Variants in SPAG16 observed in about 807,000 individuals in gnomAD.
SPAG16 encodes sperm associated antigen 16, also known as sperm-associated antigen 16 protein.
In SPAG16, 86 loss-of-function variants were observed where a neutral mutation model predicts 80.4. The observed-to-expected ratio is 1.07, with a 90% CI of 0.90 to 1.28. SPAG16 has a LOEUF of 1.28. Ranked by LOEUF, SPAG16 falls within the 50% of genes most tolerant of loss-of-function variation. SPAG16 has a pLI of 0.00. For missense variants in SPAG16, 870 were observed against 765.3 expected, an observed-to-expected ratio of 1.14 and a Z score of -1.61; for synonymous variants, 294 against 265.9, an observed-to-expected ratio of 1.11 and a Z score of -1.03.
chr2:214,191,441 G>A (rs1207389952), intron 15 of SPAG16, among the ~76,000 whole-genome samples: 3 of 151,870 alleles, frequency 2.0e-5, no homozygotes, highest in African/African-American at 7.3e-5. Context: ...GGCCGGGCAT[G>A]GTGGCTCACT....
chr2:213,510,031 A>G (rs2075160664), intron 10 of SPAG16, among the ~76,000 whole-genome samples: 1 of 152,006 alleles, frequency 6.6e-6, no homozygotes, highest in Admixed American at 6.6e-5. Flanking sequence ...AGAGAATACC[A>G]TAAACACCTC....
chr2:213,969,020 TAGA>T (rs2044872456), intron 12 of SPAG16, among the ~76,000 whole-genome samples: 2 of 152,132 alleles, frequency 1.3e-5, no homozygotes, highest in South Asian at 4.1e-4. Flanking sequence ...TAAGCAAGCA[TAGA>T]AGACTTGAGT....
chr2:213,562,535 G>A (rs925126798), intron 10 of SPAG16, among the ~76,000 whole-genome samples: 15 of 152,206 alleles, frequency 9.9e-5, no homozygotes, highest in Non-Finnish European at 1.8e-4. Context: ...CAGTTCTGGA[G>A]ACTGGAAAGT....
chr2:213,728,137 C>T (rs148034944), intron 10 of SPAG16, among the ~76,000 whole-genome samples: 2,057 of 152,308 alleles, frequency 0.014, 19 homozygotes, highest in Middle Eastern at 0.02. Context: ...ACGTGAACCA[C>T]TGCACCCGGC....
At chr2:213,344,503 A>G (rs1332234106) in intron 6 of SPAG16, among the ~76,000 whole-genome samples, 2 of 152,066 alleles carry the variant, frequency 1.3e-5, no homozygotes, top group Non-Finnish European at 2.9e-5. Flanking sequence ...AACATTAGGT[A>G]TATCTCCTAA....
At chr2:214,086,825 GAA>G (rs1483236324) in intron 13 of SPAG16, among the ~76,000 whole-genome samples, 1 of 152,138 alleles carries the variant, frequency 6.6e-6, no homozygotes, top group Non-Finnish European at 1.5e-5. Flanking sequence ...TTCATGCTCA[GAA>G]AGTGTCTTCA....
At chr2:213,585,098 A>G (rs2060422507) in intron 10 of SPAG16, among the ~76,000 whole-genome samples, 1 of 151,116 alleles carries the variant, frequency 6.6e-6, no homozygotes, top group Non-Finnish European at 1.5e-5. Context: ...CTGAGGAAGG[A>G]GAATTGCTTG....
intron 10 of SPAG16, among the ~76,000 whole-genome samples, chr2:213,529,554 A>C (rs776266654): frequency 3.9e-5 from 6 of 152,166 alleles, no homozygotes; most frequent in Non-Finnish European, 7.3e-5. Flanking sequence ...TTCTTGTGTG[A>C]ACATCATGGA....
intron 10 of SPAG16, among the ~76,000 whole-genome samples, chr2:213,738,537 C>G (rs1484545131): frequency 6.6e-6 from 1 of 152,028 alleles, no homozygotes; most frequent in Non-Finnish European, 1.5e-5. Flanking sequence ...AGAAGTACCA[C>G]TATAAAATTT....
At chr2:213,745,013 T>C (rs2067750073) in intron 10 of SPAG16, among the ~76,000 whole-genome samples, 1 of 152,246 alleles carries the variant, frequency 6.6e-6, no homozygotes, top group African/African-American at 2.4e-5. Flanking sequence ...TTGATTTTTC[T>C]TCATTTGAAG....
Position 213,876,430 on chromosome 2 carries a change from G to A in SPAG16, c.1214+13802G>A, listed in dbSNP as rs146986086. On this transcript the variant is annotated intron_variant, in intron 11 of 15. Coordinates refer to ENST00000331683, the MANE Select transcript of SPAG16 (RefSeq NM_024532.5). ...ATGAGTGCACATCAAATTCCCTTTG[G>A]GATTCTCAATTTCATTTATTTTATC... Among the ~76,000 whole-genome samples, 97 of 151,810 alleles carry A rather than the reference G, an allele frequency of 6.4e-4. 1 individual carries two copies. The East Asian group carries it at 0.015, about 24-fold the overall frequency.
chr2:213,537,828 T>C (rs2076303020), intron 10 of SPAG16, among the ~76,000 whole-genome samples: 1 of 152,224 alleles, frequency 6.6e-6, no homozygotes, highest in African/African-American at 2.4e-5. Flanking sequence ...CGGTCAGTTA[T>C]GTTTGCTTGA....
intron 13 of SPAG16, among the ~76,000 whole-genome samples, chr2:214,037,744 T>C (rs1559720139): frequency 6.6e-6 from 1 of 152,152 alleles, no homozygotes; most frequent in South Asian, 2.1e-4. Flanking sequence ...TTTTGTGAAT[T>C]CAGGCTTTTA....
At chr2:214,159,239 A>C (rs2125596867) in intron 15 of SPAG16, among the ~76,000 whole-genome samples, 1 of 152,136 alleles carries the variant, frequency 6.6e-6, no homozygotes, top group East Asian at 1.9e-4. Flanking sequence ...AGAGATAATT[A>C]GACCTTTTAC....
chr2:214,174,989 C>G (rs949211437), intron 15 of SPAG16, among the ~76,000 whole-genome samples: 15 of 151,440 alleles, frequency 9.9e-5, no homozygotes, highest in Admixed American at 2.0e-4. Flanking sequence ...ACAACTCTAC[C>G]CTGCAGAAGC....
intron 6 of SPAG16, among the ~76,000 whole-genome samples, chr2:213,347,300 T>A (rs1171738159): frequency 1.3e-5 from 2 of 152,088 alleles, no homozygotes; most frequent in Non-Finnish European, 2.9e-5. Context: ...GTCTTGCTAG[T>A]GGTCTCTCAA....
At chr2:214,210,229 T>G (rs2058254204) in intron 15 of SPAG16, among the ~76,000 whole-genome samples, 1 of 152,134 alleles carries the variant, frequency 6.6e-6, no homozygotes, top group Non-Finnish European at 1.5e-5. Context: ...ATGATAATTT[T>G]GAGTACAATT....
At chr2:213,343,607 T>C (rs1354981173) in intron 6 of SPAG16, among the ~76,000 whole-genome samples, 1 of 151,842 alleles carries the variant, frequency 6.6e-6, no homozygotes, top group Non-Finnish European at 1.5e-5. Context: ...TATTATGAAA[T>C]GCTTAGAGTT....
intron 15 of SPAG16, among the ~76,000 whole-genome samples, chr2:214,388,696 A>C (rs1700897855): frequency 6.6e-6 from 1 of 152,196 alleles, no homozygotes; most frequent in African/African-American, 2.4e-5. Context: ...ATCCCAAAAT[A>C]AACTTTACTG....
Sources: allele counts gnomAD v4.1 joint callset (sites outside exome capture counted in the v4.1 genomes callset), GRCh38; gene constraint gnomAD v4.1.1; transcripts MANE v1.5; gene names NCBI Gene and HGNC (gene_info 2026-07-23, HGNC 2026-07-21).